Variants in PDE3B observed in about 807,000 individuals in gnomAD.
PDE3B encodes phosphodiesterase 3B.
A neutral mutation model predicts 116.8 loss-of-function variants in PDE3B; 66 were observed. That is an observed-to-expected ratio of 0.56 (90% CI 0.46 to 0.69). PDE3B has a LOEUF of 0.69. Among genes scored for constraint, PDE3B ranks in the 30% least tolerant of loss-of-function variants. The probability of loss-of-function intolerance (pLI) is 0.00; values close to 1 mark genes in which losing one functional copy is unlikely to be tolerated. For synonymous variants in PDE3B, 595 were observed against 533.6 expected, an observed-to-expected ratio of 1.12 and a Z score of -1.59; for missense variants, 1,384 against 1,368.1, an observed-to-expected ratio of 1.01 and a Z score of -0.18.
At chr11:14,687,440 A>C (rs1321362623) in intron 1 of PDE3B, among the ~76,000 whole-genome samples, 1 of 152,230 alleles carries the variant, frequency 6.6e-6, no homozygotes, top group East Asian at 1.9e-4. Flanking sequence ...AGTGGTTGAA[A>C]GCCAGTGGGA....
chr11:14,883,154 G>A, the PDE3B span, among the ~76,000 whole-genome samples: 1 of 152,054 alleles, frequency 6.6e-6, no homozygotes, highest in African/African-American at 2.4e-5. Flanking sequence ...AGCTACCAAT[G>A]ACTTTCTTCA....
chr11:14,663,407 G>C (rs1240457979), intron 1 of PDE3B, among the ~76,000 whole-genome samples: 1 of 152,072 alleles, frequency 6.6e-6, no homozygotes, highest in Non-Finnish European at 1.5e-5. Flanking sequence ...CAACTAACGA[G>C]CAAAATAACC....
intron 1 of PDE3B, among the ~76,000 whole-genome samples, chr11:14,722,179 G>A (rs1379273660): frequency 1.3e-5 from 2 of 150,042 alleles, no homozygotes; most frequent in Non-Finnish European, 3.0e-5. Context: ...GGACGGGGGA[G>A]GGAATAGCAT....
intron 14 of PDE3B, among the ~76,000 whole-genome samples, chr11:14,862,888 T>A (rs1444748339): frequency 2.0e-5 from 3 of 151,548 alleles, no homozygotes; most frequent in Admixed American, 6.6e-5. Context: ...AAATCTTTAA[T>A]TTTTTTTTAA....
Position 14,851,532 on chromosome 11 carries a change from G to T in PDE3B, c.2520+7506G>T, listed in dbSNP as rs189472379. ...GGGGTGTGTGTGTGTGTGTGTGTGTGTGTTAATGGGTTAAAAGGGCCATGT... is the reference window on the plus strand; with the variant it reads ...GGGGTGTGTGTGTGTGTGTGTGTGTTTGTTAATGGGTTAAAAGGGCCATGT... On this transcript the variant is annotated intron_variant, in intron 12 of 15. Coordinates refer to ENST00000282096, the MANE Select transcript of PDE3B (RefSeq NM_000922.4). 1.9e-3 allele frequency among the ~76,000 whole-genome samples: 286 copies of T among 151,860 alleles called. 1 individual carries two copies. The highest frequency in any genetic ancestry group is 5.9e-3 in the African/African-American group (246 of 41,354).
intron 1 of PDE3B, among the ~76,000 whole-genome samples, chr11:14,742,601 C>A (rs1856803369): frequency 6.6e-6 from 1 of 152,184 alleles, no homozygotes; most frequent in South Asian, 2.1e-4. Flanking sequence ...CAAACTCATT[C>A]TCCGTCCAAT....
the PDE3B span, among the ~76,000 whole-genome samples, chr11:14,885,529 G>T: frequency 6.6e-6 from 1 of 152,122 alleles, no homozygotes; most frequent in Non-Finnish European, 1.5e-5. Flanking sequence ...GATGTTATTA[G>T]GTGTTGATTC....
intron 1 of PDE3B, among the ~76,000 whole-genome samples, chr11:14,647,926 G>GT (rs34959387): frequency 0.052 from 7,067 of 136,244 alleles, 197 homozygotes; most frequent in Middle Eastern, 0.095. Flanking sequence ...CTTAACTAAG[G>GT]TTTTTTTTTT....
At chr11:14,725,196 A>G (rs528582466) in intron 1 of PDE3B, among the ~76,000 whole-genome samples, 124 of 152,332 alleles carry the variant, frequency 8.1e-4, no homozygotes, top group Middle Eastern at 3.4e-3. Context: ...GCTAGTAAAT[A>G]GCACCACCAT....
chr11:14,789,107 G>T lies in PDE3B; in HGVS notation c.1280G>T (p.Gly427Val). Reference protein sequence around the residue: ...AEKGDRKLNKGLNRNSLPTPQ... With the variant: ...AEKGDRKLNKVLNRNSLPTPQ... ...AACCATTGTTAAATTATTCAACAGG[G>T]ACTAAATAGGAATAGTTTGCCAACT... Residue 427 changes from glycine to valine, a missense_variant and splice_region_variant, in exon 4 of 16, where the codon GGA (glycine) becomes GTA (valine). Gly to Val is a moderately radical substitution (Grantham distance 109). Coordinates refer to ENST00000282096, the MANE Select transcript of PDE3B (RefSeq NM_000922.4). 1 of 1,603,756 alleles carries T rather than the reference G, an allele frequency of 6.2e-7. No homozygotes were observed. The highest frequency in any genetic ancestry group is 1.1e-5 in the South Asian group (1 of 89,510).
chr11:14,777,817 G>C (rs1004895037), intron 2 of PDE3B, among the ~76,000 whole-genome samples: 1 of 152,114 alleles, frequency 6.6e-6, no homozygotes, highest in African/African-American at 2.4e-5. Flanking sequence ...CAGGACAGTA[G>C]GTGCAACCCA....
chr11:14,791,057 T>A (rs1203448099), intron 4 of PDE3B, among the ~76,000 whole-genome samples: 1 of 152,136 alleles, frequency 6.6e-6, no homozygotes, highest in African/African-American at 2.4e-5. Flanking sequence ...AAATGTGATT[T>A]AATTCTTATT....
intron 1 of PDE3B, among the ~76,000 whole-genome samples, chr11:14,675,698 T>A (rs917691084): frequency 3.3e-5 from 5 of 152,192 alleles, no homozygotes; most frequent in African/African-American, 1.2e-4. Flanking sequence ...CAGTCGTGAA[T>A]ATATTCAATG....
intron 1 of PDE3B, among the ~76,000 whole-genome samples, chr11:14,698,239 T>A (rs1326312101): frequency 1.3e-5 from 2 of 151,878 alleles, no homozygotes; most frequent in African/African-American, 4.8e-5. Flanking sequence ...GAGCTTTTTT[T>A]AAAAAAACGA....
chr11:14,725,323 C>CTT (rs1389822220), intron 1 of PDE3B, among the ~76,000 whole-genome samples: 19 of 148,754 alleles, frequency 1.3e-4, no homozygotes, highest in African/African-American at 3.2e-4. Flanking sequence ...TTCTTTCTTT[C>CTT]TTTCTTTTTC....
chr11:14,822,249 T>A (rs1172529366), intron 7 of PDE3B, among the ~76,000 whole-genome samples: 8 of 152,136 alleles, frequency 5.3e-5, no homozygotes, highest in Admixed American at 5.2e-4. Flanking sequence ...CATATTGAGC[T>A]TATAGCATGT....
intron 5 of PDE3B, among the ~76,000 whole-genome samples, chr11:14,805,036 GA>G (rs1434801510): frequency 6.6e-6 from 1 of 152,086 alleles, no homozygotes; most frequent in Non-Finnish European, 1.5e-5. Flanking sequence ...ATGGGACACA[GA>G]AGTTCTAAAA....
intron 1 of PDE3B, among the ~76,000 whole-genome samples, chr11:14,752,871 G>A (rs1329770970): frequency 6.6e-6 from 1 of 151,902 alleles, no homozygotes; most frequent in African/African-American, 2.4e-5. Flanking sequence ...TCTTCTAAAA[G>A]TTATCTAGTA....
chr11:14,797,738 T>C (rs1858601059), intron 4 of PDE3B, among the ~76,000 whole-genome samples: 1 of 151,964 alleles, frequency 6.6e-6, no homozygotes, highest in Non-Finnish European at 1.5e-5. Context: ...TTTGTCTGTT[T>C]TTGTTGTATA....
Sources: gnomAD v4.1 joint callset for allele counts (sites outside exome capture counted in the v4.1 genomes callset) on GRCh38, gnomAD v4.1.1 for gene constraint, MANE v1.5 for transcripts, NCBI Gene and HGNC (gene_info 2026-07-23, HGNC 2026-07-21) for gene names.